Variants in AGBL4 observed in about 807,000 individuals in gnomAD.
AGBL4 encodes the protein AGBL carboxypeptidase 4, also known as cytosolic carboxypeptidase 6.
In AGBL4, 58 loss-of-function variants were observed where a neutral mutation model predicts 66.4. That is an observed-to-expected ratio of 0.87 (90% CI 0.71 to 1.09). AGBL4 has a LOEUF of 1.09. Ranked by LOEUF, AGBL4 falls within the 50% of genes least tolerant of loss-of-function variation. AGBL4 has a pLI of 0.00. For synonymous variants in AGBL4, 234 were observed against 222.9 expected, an observed-to-expected ratio of 1.05 and a Z score of -0.44; for missense variants, 579 against 631.0, an observed-to-expected ratio of 0.92 and a Z score of 0.88.
chr1:49,672,396 G>C (rs1646495546), intron 3 of AGBL4, among the ~76,000 whole-genome samples: 3 of 151,984 alleles, frequency 2.0e-5, no homozygotes, highest in Admixed American at 6.6e-5. Flanking sequence ...TGTGTAATAA[G>C]ATTAATACCT....
chr1:49,489,551 T>A (rs769732984), intron 3 of AGBL4, among the ~76,000 whole-genome samples: 5 of 151,908 alleles, frequency 3.3e-5, no homozygotes, highest in Non-Finnish European at 4.4e-5. Context: ...TGATCCAATT[T>A]GTCCATTTTT....
chr1:49,699,613 A>G (rs975082441), intron 2 of AGBL4, among the ~76,000 whole-genome samples: 2 of 152,072 alleles, frequency 1.3e-5, no homozygotes, highest in African/African-American at 4.8e-5. Flanking sequence ...GGAGTACATT[A>G]TGCTAAGTTA....
rs537040694 is a variant in AGBL4 at position 49,470,772 on chromosome 1, G to A, written c.283-224908C>T. 8.1e-4 allele frequency among the ~76,000 whole-genome samples: 124 copies of A among 152,160 alleles called. 1 individual carries two copies. Among genetic ancestry groups the A allele is most frequent in the African/African-American group, 2.9e-3 (122 of 41,570 alleles). ...GCCCCTTAATTTGCATACAATTGAA[G>A]TGGGTATAAATATGACTGCAGACAT... On this transcript the variant is annotated intron_variant, in intron 3 of 13. Coordinates refer to ENST00000371839, the MANE Select transcript of AGBL4 (RefSeq NM_032785.4).
At chr1:49,902,312 A>G (rs1044138294) in intron 1 of AGBL4, among the ~76,000 whole-genome samples, 2 of 152,216 alleles carry the variant, frequency 1.3e-5, no homozygotes, top group Non-Finnish European at 2.9e-5. Context: ...TCCAGAATCT[A>G]TAAGGACCTT....
intron 3 of AGBL4, among the ~76,000 whole-genome samples, chr1:49,399,172 C>T (rs1645032926): frequency 1.3e-5 from 2 of 152,100 alleles, no homozygotes; most frequent in Admixed American, 6.6e-5. Context: ...TTGCAAATTA[C>T]AAGTTTCATT....
chr1:49,566,088 C>T (rs12132058), intron 3 of AGBL4, among the ~76,000 whole-genome samples: 14,398 of 152,196 alleles, frequency 0.095, 914 homozygotes, highest in African/African-American at 0.17. Flanking sequence ...TCCCGTTGAT[C>T]GCATCAGTTA....
intron 2 of AGBL4, among the ~76,000 whole-genome samples, chr1:49,797,657 C>T (rs34599845): frequency 1.5e-3 from 225 of 152,296 alleles, no homozygotes; most frequent in Non-Finnish European, 1.4e-3. Flanking sequence ...GTTGCCTATA[C>T]TGGTCTTGAA....
intron 7 of AGBL4, among the ~76,000 whole-genome samples, chr1:48,659,616 A>C (rs1484893341): frequency 6.6e-6 from 1 of 152,222 alleles, no homozygotes; most frequent in Non-Finnish European, 1.5e-5. Context: ...GGTTCAGGCC[A>C]AGCTCCTGGC....
chr1:48,816,344 T>C (rs1383876391), intron 6 of AGBL4, among the ~76,000 whole-genome samples: 1 of 152,128 alleles, frequency 6.6e-6, no homozygotes, highest in Non-Finnish European at 1.5e-5. Context: ...ATATCTGAGA[T>C]CATCCTTTTA....
rs931808326 is a variant in AGBL4 at position 49,481,258 on chromosome 1, A to G, written c.282+216055T>C. Among the ~76,000 whole-genome samples the G allele has an allele frequency of 2.0e-5, 3 of 152,202 alleles. No individual in the cohort carries two copies. In the East Asian group the frequency reaches 5.8e-4, roughly 29 times the overall value. Reference sequence around the variant, plus strand: ...TTAACAATAATGATTCTTTCTATCCATGAGTATGGAATGTTTTTCCACTTG... The same window carrying G: ...TTAACAATAATGATTCTTTCTATCCGTGAGTATGGAATGTTTTTCCACTTG... On this transcript the variant is annotated intron_variant, in intron 3 of 13. Coordinates refer to ENST00000371839, the MANE Select transcript of AGBL4 (RefSeq NM_032785.4).
chr1:48,696,103 G>T (rs1327793956), intron 6 of AGBL4, among the ~76,000 whole-genome samples: 3 of 152,126 alleles, frequency 2.0e-5, no homozygotes, highest in African/African-American at 4.8e-5. Flanking sequence ...TTCTGTCCCA[G>T]GACAGCTGGG....
chr1:49,527,985 T>C (rs1380323145), intron 3 of AGBL4, among the ~76,000 whole-genome samples: 3 of 151,962 alleles, frequency 2.0e-5, no homozygotes, highest in Non-Finnish European at 4.4e-5. Context: ...ATTGACTGAG[T>C]TAGACAAATT....
chr1:49,961,062 T>A (rs950027428), intron 1 of AGBL4, among the ~76,000 whole-genome samples: 1 of 152,074 alleles, frequency 6.6e-6, no homozygotes, highest in African/African-American at 2.4e-5. Context: ...ATGGGTTACG[T>A]TGAAATTGAT....
At chr1:49,191,281 C>A (rs893846290) in intron 4 of AGBL4, among the ~76,000 whole-genome samples, 1 of 152,206 alleles carries the variant, frequency 6.6e-6, no homozygotes, top group African/African-American at 2.4e-5. Context: ...GATTCTCCCA[C>A]CACACCGTGT....
In AGBL4 at chr1:49,841,351, A is replaced by C. The variant is rs74504638; in HGVS notation, c.157+10045T>G. Among the ~76,000 whole-genome samples, 769 of 152,348 alleles carry C rather than the reference A, an allele frequency of 5.0e-3. 12 individuals carry two copies. Among genetic ancestry groups the C allele is most frequent in the Non-Finnish European group, 5.2e-3 (355 of 68,036 alleles). On this transcript the variant is annotated intron_variant, in intron 2 of 13. Transcript: ENST00000371839. Reference sequence around the variant, plus strand: ...TGCTGAAAGAAATCAGAGATGACACAAATAAATGGAAAGACATACCATGCT... The same window carrying C: ...TGCTGAAAGAAATCAGAGATGACACCAATAAATGGAAAGACATACCATGCT...
At chr1:48,872,002 C>A (rs145467390) in intron 5 of AGBL4, among the ~76,000 whole-genome samples, 26 of 152,170 alleles carry the variant, frequency 1.7e-4, no homozygotes, top group African/African-American at 6.3e-4. Flanking sequence ...AGTTAAAGAA[C>A]CTATCTTTAA....
At chr1:49,758,608 C>A (rs1444154578) in intron 2 of AGBL4, among the ~76,000 whole-genome samples, 2 of 152,112 alleles carry the variant, frequency 1.3e-5, no homozygotes, top group African/African-American at 4.8e-5. Flanking sequence ...GGATTTCAGA[C>A]TTGCATGGGG....
At chr1:48,555,683 T>C (rs983862794) in intron 11 of AGBL4, among the ~76,000 whole-genome samples, 1 of 152,150 alleles carries the variant, frequency 6.6e-6, no homozygotes, top group Non-Finnish European at 1.5e-5. Context: ...TGATTTCTCC[T>C]GTGGCCCTGG....
At chr1:48,657,944 A>T (rs1646046727) in intron 7 of AGBL4, among the ~76,000 whole-genome samples, 1 of 152,228 alleles carries the variant, frequency 6.6e-6, no homozygotes, top group Non-Finnish European at 1.5e-5. Flanking sequence ...AGACAGCAGG[A>T]AGAGGTCTCC....
Sources: allele counts gnomAD v4.1 joint callset (sites outside exome capture counted in the v4.1 genomes callset), GRCh38; gene constraint gnomAD v4.1.1; transcripts MANE v1.5; gene names NCBI Gene and HGNC (gene_info 2026-07-23, HGNC 2026-07-21).